The following PALM2AKAP2 variants were observed in gnomAD, a reference collection of about 807,000 sequenced individuals.
PALM2AKAP2 encodes PALM2-AKAP2 fusion protein.
A neutral mutation model predicts 71.5 loss-of-function variants in PALM2AKAP2; 37 were observed. The observed-to-expected ratio is 0.52, with a 90% CI of 0.40 to 0.68. The LOEUF (loss-of-function observed/expected upper bound fraction) is 0.68. Ranked by LOEUF, PALM2AKAP2 falls within the 30% of genes least tolerant of loss-of-function variation. The pLI is 0.00. For missense variants in PALM2AKAP2, 1,224 were observed against 1,191.8 expected, an observed-to-expected ratio of 1.03 and a Z score of -0.40; for synonymous variants, 468 against 478.8, an observed-to-expected ratio of 0.98 and a Z score of 0.29.
intron 6 of PALM2AKAP2, among the ~76,000 whole-genome samples, chr9:109,970,987 T>C (rs1277780383): frequency 6.6e-6 from 1 of 152,110 alleles, no homozygotes. Flanking sequence ...GGCATACACC[T>C]GTAGTCCCAG....
rs547958413 is a variant in PALM2AKAP2, at chr9:109,710,657, C to T, written c.5+69791C>T. ...GCTCTCAGGATTGGATGACAGAGTACAGTGCTTGGTTTCCCGTCTGTCCTC... is the reference window on the plus strand; with the variant it reads ...GCTCTCAGGATTGGATGACAGAGTATAGTGCTTGGTTTCCCGTCTGTCCTC... On this transcript the variant is annotated intron_variant, in intron 1 of 6. Transcript: ENST00000374531. Among the ~76,000 whole-genome samples, 3 of 152,292 alleles carry T rather than the reference C, an allele frequency of 2.0e-5. No individual in the cohort carries two copies. The South Asian group carries it at 6.2e-4, about 32-fold the overall frequency.
intron 6 of PALM2AKAP2, among the ~76,000 whole-genome samples, chr9:110,005,635 A>C (rs868861427): frequency 6.6e-6 from 1 of 152,228 alleles, no homozygotes; most frequent in Non-Finnish European, 1.5e-5. Flanking sequence ...TGGAGTTTAC[A>C]GAGGCAGGCA....
At chr9:109,697,650 T>G (rs1434758799) in intron 1 of PALM2AKAP2, among the ~76,000 whole-genome samples, 1 of 152,192 alleles carries the variant, frequency 6.6e-6, no homozygotes, top group African/African-American at 2.4e-5. Flanking sequence ...TTAAAAAAAT[T>G]AGCATGTCAG....
chr9:110,042,400 T>TG (rs113421291), intron 7 of PALM2AKAP2, among the ~76,000 whole-genome samples: 101,128 of 151,622 alleles, frequency 0.67, 34,270 homozygotes, highest in African/African-American at 0.8. Flanking sequence ...CACTCCAGCC[T>TG]GGCAGTAAGT....
At chr9:109,731,344 G>GGGCCA (rs1828554284) in intron 1 of PALM2AKAP2, among the ~76,000 whole-genome samples, 1 of 152,150 alleles carries the variant, frequency 6.6e-6, no homozygotes, top group Non-Finnish European at 1.5e-5. Context: ...ACTTCTTATA[G>GGGCCA]TAGTTTAGTT....
In PALM2AKAP2 at chr9:110,061,358, A is replaced by G. The variant is rs78083977; in HGVS notation, c.156+12503A>G. On this transcript the variant is annotated intron_variant, in intron 1 of 3. Coordinates refer to ENST00000374525, the Ensembl canonical transcript of PALM2AKAP2. ...AACCTTGAACCTTTAACATGGGCCC[A>G]TTTTCATGCATGCATTGTGATCAAG... 5.5e-3 allele frequency among the ~76,000 whole-genome samples: 834 copies of G among 152,226 alleles called. 6 individuals carry two copies. The highest frequency in any genetic ancestry group is 0.027 in the Middle Eastern group (8 of 294).
intron 1 of PALM2AKAP2, among the ~76,000 whole-genome samples, chr9:109,707,480 A>G (rs1404104686): frequency 6.6e-6 from 1 of 152,162 alleles, no homozygotes; most frequent in Non-Finnish European, 1.5e-5. Context: ...AGCAGTGACA[A>G]CAGCCAACTT....
rs1161102585 is a variant in PALM2AKAP2 at position 109,843,044 on chromosome 9, G to A, written c.46-24447G>A. ...AATCCCAGCTACTCAGGAGGCTGAG[G>A]CAGGAGACTCGCTTGAACCCGGGAG... is the stretch of plus-strand genomic sequence containing the variant. On this transcript the variant is annotated intron_variant, in intron 1 of 9. Coordinates refer to the PALM2AKAP2 transcript ENST00000302798. 2.3e-4 allele frequency among the ~76,000 whole-genome samples: 34 copies of A among 150,276 alleles called. 1 individual carries two copies. In the Admixed American group the frequency reaches 2.3e-3, roughly 10 times the overall value.
intron 1 of PALM2AKAP2, among the ~76,000 whole-genome samples, chr9:110,082,234 T>G (rs1320791421): frequency 6.6e-6 from 1 of 152,126 alleles, no homozygotes; most frequent in African/African-American, 2.4e-5. Context: ...TTTTGTATTT[T>G]TAGTAGACAC....
chr9:109,956,444 A>C lies in PALM2AKAP2; in HGVS notation c.496+24416A>C, dbSNP rs12683775. Among the ~76,000 whole-genome samples, 48 of 152,354 alleles carry C rather than the reference A, an allele frequency of 3.2e-4. No homozygotes were observed. The East Asian group carries it at 4.2e-3, about 13-fold the overall frequency. Reference sequence around the variant, plus strand: ...TTAGGTCAACCTCAGACAACCTGAAAGTGAGATAAATTCTGCAGTTAGTGT... The same window carrying C: ...TTAGGTCAACCTCAGACAACCTGAACGTGAGATAAATTCTGCAGTTAGTGT... On this transcript the variant is annotated intron_variant, in intron 6 of 9. Transcript: ENST00000302798.
intron 1 of PALM2AKAP2, among the ~76,000 whole-genome samples, chr9:109,836,789 A>G (rs1828491587): frequency 6.6e-6 from 1 of 152,252 alleles, no homozygotes; most frequent in South Asian, 2.1e-4. Flanking sequence ...GTGATGGAAG[A>G]TCGAATGAAT....
At chr9:109,994,022 C>T (rs1832529340) in intron 6 of PALM2AKAP2, among the ~76,000 whole-genome samples, 2 of 152,116 alleles carry the variant, frequency 1.3e-5, no homozygotes, top group Non-Finnish European at 2.9e-5. Context: ...AAATACCTAG[C>T]TACTGGGCTG....
chr9:109,896,496 G>T (rs1830206542), intron 3 of PALM2AKAP2, among the ~76,000 whole-genome samples: 1 of 152,138 alleles, frequency 6.6e-6, no homozygotes. Flanking sequence ...GTGCAGTGGA[G>T]TCATATGCAG....
chr9:109,916,056 G>A (rs1830682938), intron 3 of PALM2AKAP2, among the ~76,000 whole-genome samples: 1 of 152,056 alleles, frequency 6.6e-6, no homozygotes, highest in African/African-American at 2.4e-5. Context: ...CGATTCTCCT[G>A]CCTCAGCCTC....
intron 1 of PALM2AKAP2, among the ~76,000 whole-genome samples, chr9:109,643,768 T>G (rs1453499166): frequency 6.6e-6 from 1 of 152,204 alleles, no homozygotes; most frequent in Non-Finnish European, 1.5e-5. Context: ...CTTCGTTTGC[T>G]TCCTTAATGT....
At chr9:109,672,947 T>C (rs1419233584) in intron 1 of PALM2AKAP2, among the ~76,000 whole-genome samples, 1 of 152,126 alleles carries the variant, frequency 6.6e-6, no homozygotes, top group African/African-American at 2.4e-5. Context: ...TCAGTGATGA[T>C]ATCCTCCTTG....
At chr9:109,918,885 G>A (rs1008543369) in intron 3 of PALM2AKAP2, among the ~76,000 whole-genome samples, 3 of 152,224 alleles carry the variant, frequency 2.0e-5, no homozygotes, top group East Asian at 3.9e-4. Flanking sequence ...GTTTCATTTC[G>A]TTCCTTTTTT....
At chr9:109,640,850 C>G (rs1217551306) in exon 1 of PALM2AKAP2, 1 of 1,517,172 alleles carries the variant, frequency 6.6e-7, no homozygotes, top group Admixed American at 2.0e-5. Flanking sequence ...CACCCGGCCG[C>G]GGAGCCCCGC....
chr9:109,867,793 G>A (rs552216541), intron 2 of PALM2AKAP2, among the ~76,000 whole-genome samples: 1 of 152,268 alleles, frequency 6.6e-6, no homozygotes, highest in South Asian at 2.1e-4. Context: ...CAGTGTGCAT[G>A]TGGACAGGGT....
Sources: allele counts gnomAD v4.1 joint callset (sites outside exome capture counted in the v4.1 genomes callset), GRCh38; gene constraint gnomAD v4.1.1; transcripts MANE v1.5; gene names NCBI Gene and HGNC (gene_info 2026-07-23, HGNC 2026-07-21).